LRP5: variants seen among roughly 807,000 people sequenced by gnomAD.
LRP5 encodes the protein LDL receptor related protein 5, also known as low-density lipoprotein receptor-related protein 5.
A neutral mutation model predicts 154.1 loss-of-function variants in LRP5; 62 were observed. That is an observed-to-expected ratio of 0.40 (90% confidence interval 0.33 to 0.50). The LOEUF (loss-of-function observed/expected upper bound fraction) is 0.50, where lower values mean the gene tolerates loss of function less well. Among genes scored for constraint, LRP5 ranks in the 20% least tolerant of loss-of-function variants. The pLI is 0.55. For missense variants in LRP5, 1,915 were observed against 2,336.7 expected (o/e 0.82, Z 3.72); for synonymous variants, 966 against 1,011.5 (o/e 0.96, Z 0.85).
At chr11:68,445,675 C>T (rs1403060742) in intron 21 of LRP5, 1 of 1,318,450 alleles carries the variant, frequency 7.6e-7, no homozygotes, top group Non-Finnish European at 9.9e-7. Context: ...CCGTCAGTGG[C>T]ACTTGTGGAA....
rs146444234 is a variant in LRP5, at chr11:68,322,267, C to G, written c.91+9462C>G. On this transcript the variant is annotated intron_variant, in intron 1 of 22. Transcript: ENST00000294304. ...CTCTCCTCCACTCAGACTCCCTGGG[C>G]TCTGAGGCTTTACCTACAGGCCCTG... 1.3e-3 allele frequency among the ~76,000 whole-genome samples: 196 copies of G among 152,336 alleles called. 1 individual carries two copies. Among genetic ancestry groups the G allele is most frequent in the African/African-American group, 4.6e-3 (192 of 41,586 alleles).
intron 1 of LRP5, among the ~76,000 whole-genome samples, chr11:68,337,816 C>T (rs780874140): frequency 2.6e-5 from 4 of 151,598 alleles, no homozygotes; most frequent in Non-Finnish European, 4.4e-5. Flanking sequence ...CCATAGTCAG[C>T]TCTTCCTCCT....
intron 18 of LRP5, among the ~76,000 whole-genome samples, chr11:68,434,862 T>G (rs1170019851): frequency 3.3e-5 from 5 of 152,196 alleles, no homozygotes; most frequent in Non-Finnish European, 7.3e-5. Flanking sequence ...GAGCAGACAT[T>G]TCGTAGAAGA....
chr11:68,339,547 C>T (rs1289739147), intron 1 of LRP5, among the ~76,000 whole-genome samples: 5 of 152,030 alleles, frequency 3.3e-5, no homozygotes, highest in East Asian at 1.9e-4. Context: ...GGGGTTTCAC[C>T]GTGTTGGCCA....
At chr11:68,348,723 C>G (rs1181223218) in intron 2 of LRP5, among the ~76,000 whole-genome samples, 2 of 152,250 alleles carry the variant, frequency 1.3e-5, no homozygotes, top group Non-Finnish European at 1.5e-5. Flanking sequence ...GCGGGCAGAT[C>G]ACCTGAGTCC....
chr11:68,308,755 T>C (rs1280826631), upstream of LRP5, among the ~76,000 whole-genome samples: 2 of 151,916 alleles, frequency 1.3e-5, no homozygotes, highest in Non-Finnish European at 2.9e-5. Flanking sequence ...TTTCTTTTTT[T>C]TTTTCTTTTT....
At chr11:68,329,880 A>G (rs776708452) in intron 1 of LRP5, among the ~76,000 whole-genome samples, 4 of 152,226 alleles carry the variant, frequency 2.6e-5, no homozygotes, top group Non-Finnish European at 5.9e-5. Context: ...TGGAACCAAG[A>G]TGGTATGTAA....
In LRP5 at chr11:68,440,916, G is replaced by A. The variant is rs186374394; in HGVS notation, c.4488+1000G>A. ...CCCTAGTAGCTGGGATTACAGGCAT[G>A]TGCCACCACGCCCAGCTAATTTTGT... On this transcript the variant is annotated intron_variant, in intron 21 of 22. Coordinates refer to ENST00000294304, the MANE Select transcript of LRP5 (RefSeq NM_002335.4). Among the ~76,000 whole-genome samples, 428 of 152,158 alleles carry A rather than the reference G, an allele frequency of 2.8e-3. 3 individuals carry two copies. Among genetic ancestry groups the A allele is most frequent in the African/African-American group, 9.7e-3 (401 of 41,508 alleles).
intron 17 of LRP5, 117 bp downstream of exon 17, chr11:68,429,817 A>G: frequency 7.3e-7 from 1 of 1,367,084 alleles, no homozygotes; most frequent in Non-Finnish European, 1.0e-6. Flanking sequence ...CAGTTTCCAA[A>G]GCTGATTGTG....
chr11:68,314,073 C>T (rs1395016321), intron 1 of LRP5, among the ~76,000 whole-genome samples: 1 of 152,138 alleles, frequency 6.6e-6, no homozygotes, highest in African/African-American at 2.4e-5. Flanking sequence ...CTGGAGCTAG[C>T]AAAACAAGGT....
rs560340256 is a variant in LRP5, at chr11:68,447,339, C to T, written c.4586+806C>T. 6.6e-6 allele frequency among the ~76,000 whole-genome samples: 1 copy of T among 152,336 alleles called. No homozygotes were observed. The highest frequency in any genetic ancestry group is 2.4e-5 in the African/African-American group (1 of 41,582). ...CAGGACACCTCTGGACCACGCATTCCTCATTGCTTGGGTCCCTGGAGCAGC... is the reference window on the plus strand; with the variant it reads ...CAGGACACCTCTGGACCACGCATTCTTCATTGCTTGGGTCCCTGGAGCAGC... On this transcript the variant is annotated intron_variant, in intron 22 of 22. Coordinates refer to ENST00000294304, the MANE Select transcript of LRP5 (RefSeq NM_002335.4). This position sits in a 1 kb window ranked among gnomAD's most constrained non-coding sequence, Gnocchi z 4.3.
chr11:68,414,544 C>T (rs963896193), intron 12 of LRP5, among the ~76,000 whole-genome samples: 2 of 152,174 alleles, frequency 1.3e-5, no homozygotes, highest in Non-Finnish European at 2.9e-5. Flanking sequence ...AATTTTTGCC[C>T]TGACCCTTGG....
chr11:68,359,306 C>A (rs1236447483), intron 3 of LRP5, among the ~76,000 whole-genome samples: 1 of 152,188 alleles, frequency 6.6e-6, no homozygotes, highest in African/African-American at 2.4e-5. Flanking sequence ...TTCTCCTGTT[C>A]CTCTTATGCT....
intron 1 of LRP5, among the ~76,000 whole-genome samples, chr11:68,341,982 C>A (rs894728073): frequency 5.3e-5 from 8 of 152,044 alleles, no homozygotes; most frequent in African/African-American, 1.9e-4. Context: ...GGAGTGAGTG[C>A]CCATGGCCAG....
At chr11:68,445,234 G>A (rs2098680765) in intron 21 of LRP5, among the ~76,000 whole-genome samples, 1 of 151,980 alleles carries the variant, frequency 6.6e-6, no homozygotes, top group Admixed American at 6.6e-5. Flanking sequence ...CAAGTAGCTG[G>A]GATTACAGGT....
intron 13 of LRP5, among the ~76,000 whole-genome samples, chr11:68,420,479 C>T (rs560688634): frequency 6.6e-6 from 1 of 152,060 alleles, no homozygotes; most frequent in Non-Finnish European, 1.5e-5. Context: ...CCGAGGTGGG[C>T]AGATCACTTG....
rs374891715 is a variant in LRP5, at chr11:68,416,396, A to C, written c.2896A>C (p.Ser966Arg). 1 of 1,614,214 alleles carries C rather than the reference A, an allele frequency of 6.2e-7. No individual in the cohort carries two copies. The highest frequency in any genetic ancestry group is 1.3e-5 in the African/African-American group (1 of 75,062). The change falls in exon 13 of 23, where the codon AGC becomes CGC. Residue 966 changes from serine to arginine, a missense_variant. By Grantham distance (110) the Ser-to-Arg change is moderately radical (BLOSUM62 -1). This residue lies in a region of LRP5 where 1,094 missense variants were observed against 1,210.1 expected (regional missense o/e 0.90). Coordinates refer to ENST00000294304, the MANE Select transcript of LRP5 (RefSeq NM_002335.4). ...ISRMIPDDQHSPDLILPLHGL... is the reference protein window; with the variant it reads ...ISRMIPDDQHRPDLILPLHGL... Reference sequence around the variant, plus strand: ...TCGGATGATCCCGGACGACCAGCACAGCCCGGATCTCATCCTGCCCCTGCA... The same window carrying C: ...TCGGATGATCCCGGACGACCAGCACCGCCCGGATCTCATCCTGCCCCTGCA...
chr11:68,404,291 G>T, intron 8 of LRP5: 1 of 530,412 alleles, frequency 1.9e-6, no homozygotes, highest in Non-Finnish European at 3.7e-6. Flanking sequence ...TCGCGGGCAG[G>T]GACTCTGTGT....
chr11:68,400,070 G>A (rs1380275412), intron 7 of LRP5, among the ~76,000 whole-genome samples: 2 of 152,120 alleles, frequency 1.3e-5, no homozygotes, highest in African/African-American at 2.4e-5. Context: ...TCTGTGGGAG[G>A]CTCTGCCCAT....
Sources: allele counts gnomAD v4.1 joint callset (sites outside exome capture counted in the v4.1 genomes callset), GRCh38; gene constraint gnomAD v4.1.1; regional missense constraint gnomAD v4.1.1; non-coding constraint Gnocchi (gnomAD v3.1); transcripts MANE v1.5; gene names NCBI Gene and HGNC (gene_info 2026-07-23, HGNC 2026-07-21).